The following GRIN1 variants were observed in gnomAD, a reference collection of about 807,000 sequenced individuals.
GRIN1 encodes glutamate receptor ionotropic, NMDA 1.
GRIN1 carries 38 observed loss-of-function variants against 103.0 expected under a neutral mutation model. That is an observed-to-expected ratio of 0.37 (90% CI 0.28 to 0.48). The LOEUF is 0.48. Ranked by LOEUF, GRIN1 falls within the 20% of genes least tolerant of loss-of-function variation. The probability of loss-of-function intolerance (pLI) is 0.98; values close to 1 mark genes in which losing one functional copy is unlikely to be tolerated. For synonymous variants in GRIN1, 544 were observed against 532.7 expected, an observed-to-expected ratio of 1.02 and a Z score of -0.29; for missense variants, 577 against 1,288.9, an observed-to-expected ratio of 0.45 and a Z score of 8.46.
Position 137,139,659 on chromosome 9 carries a change from T to C in GRIN1, c.173T>C (p.Ile58Thr). 1.2e-6 allele frequency: 2 copies of C among 1,613,884 alleles called. No homozygotes were observed. The highest frequency in any genetic ancestry group is 1.7e-6 in the Non-Finnish European group (2 of 1,179,916). ...QANKRHGSWK[I>T]QLNATSVTHK... ...AACAAGCGGCACGGCTCCTGGAAGA[T>C]TCAGCTCAATGCCACCTCCGTCACG... The change falls in exon 1 of 20, where the codon ATT becomes ACT. Residue 58 changes from isoleucine to threonine, a missense_variant. Ile to Thr is a moderately conservative substitution (Grantham distance 89, BLOSUM62 -1). Around this residue, in one of 9 missense-constraint regions of GRIN1, gnomAD observed 308 missense variants for 553.6 expected, o/e 0.56. Transcript: ENST00000371561. This position sits in a 1 kb window ranked among gnomAD's most constrained non-coding sequence, Gnocchi z 7.7.
intron 6 of GRIN1, among the ~76,000 whole-genome samples, chr9:137,157,737 G>A (rs903780789): frequency 6.6e-6 from 1 of 152,252 alleles, no homozygotes; most frequent in Admixed American, 6.5e-5. Flanking sequence ...CAACCACTGA[G>A]TAGCACGTGC....
chr9:137,164,286 C>T (rs1022041816), intron 18 of GRIN1: 1 of 343,554 alleles, frequency 2.9e-6, no homozygotes, highest in Non-Finnish European at 5.6e-6. Context: ...GACCCAAGCC[C>T]CTTGACACCC....
chr9:137,141,943 A>G (rs1832194506), intron 1 of GRIN1, 70 bp from the exon 2 acceptor site: 43 of 1,558,666 alleles, frequency 2.8e-5, no homozygotes, highest in Non-Finnish European at 3.1e-5. Flanking sequence ...TGCTGCTTCC[A>G]GATCTCAGCC....
chr9:137,156,786 A>G lies in GRIN1; in HGVS notation c.789A>G (p.Pro263=), dbSNP rs6293. Residue 263 remains proline (P), a synonymous_variant, in exon 5 of 20, where the codon CCA becomes CCG. Coordinates refer to ENST00000371561, the MANE Select transcript of GRIN1 (RefSeq NM_007327.4). ...CGGGGAACGCCCTGCGCTACGCCCCAGACGGTGAGTGCTGGGCCTTGGCGG... is the reference window on the plus strand; with the variant it reads ...CGGGGAACGCCCTGCGCTACGCCCCGGACGGTGAGTGCTGGGCCTTGGCGG... ...EISGNALRYA[P]DGILGLQLIN... is the part of the protein sequence containing the mutation. 470,913 of 1,592,168 alleles carry G rather than the reference A, an allele frequency of 0.3. 75,576 individuals are homozygous for G. Among genetic ancestry groups the G allele is most frequent in the Non-Finnish European group, 0.33 (383,384 of 1,169,736 alleles).
chr9:137,142,731 C>T (rs796830838), intron 2 of GRIN1, among the ~76,000 whole-genome samples: 34 of 152,276 alleles, frequency 2.2e-4, no homozygotes, highest in African/African-American at 6.7e-4. Flanking sequence ...GGGGTGTGCA[C>T]GCAGCCAGGG....
In GRIN1 at chr9:137,148,001, C is replaced by T. The variant is rs902704663; in HGVS notation, c.571-1008C>T. ...CCAGCTCCACCCCGGCCCCCAGCCC[C>T]GCCCCGGGCCTCGGTGTTTGCGAGC... On this transcript the variant is annotated intron_variant, in intron 3 of 19. Transcript: ENST00000371561. The T allele has an allele frequency of 2.0e-5, 12 of 599,746 alleles. No homozygotes were observed. The Middle Eastern group carries it at 1.5e-3, about 75-fold the overall frequency. 37.2% of individuals were successfully genotyped at this position (599,746 alleles called of 1,614,324 possible).
In GRIN1 at chr9:137,164,024, C is replaced by A. The variant is rs764246070; in HGVS notation, c.2589+120C>A. On this transcript the variant is annotated intron_variant, in intron 18 of 19. Coordinates refer to ENST00000371561, the MANE Select transcript of GRIN1 (RefSeq NM_007327.4). ...TGGTGGGCAGGACTGGAGCTAGGAG[C>A]CATGGCCAGGGGCAGTGGTGAGTGC... The A allele has an allele frequency of 7.3e-6, 9 of 1,238,122 alleles. No homozygotes were observed. The African/African-American group carries it at 7.4e-5, about 10-fold the overall frequency. 76.7% of individuals were successfully genotyped at this position (1,238,122 alleles called of 1,614,324 possible).
Position 137,167,809 on chromosome 9 carries a change from C to T in GRIN1, c.*282C>T. ...CCACTGATATCACGGGCCCGCTCAA[C>T]CTCTCAGATCCCTCGGTCAGCACCG... On this transcript the variant is annotated 3_prime_UTR_variant, in exon 20 of 20. Coordinates refer to ENST00000371561, the MANE Select transcript of GRIN1 (RefSeq NM_007327.4). The T allele has an allele frequency of 1.2e-6, 2 of 1,612,278 alleles. No individual in the cohort carries two copies. Among genetic ancestry groups the T allele is most frequent in the Non-Finnish European group, 1.7e-6 (2 of 1,179,646 alleles).
chr9:137,147,459 C>T (rs1368698958), intron 3 of GRIN1, among the ~76,000 whole-genome samples: 1 of 152,066 alleles, frequency 6.6e-6, no homozygotes, highest in African/African-American at 2.4e-5. Flanking sequence ...CACACGCACA[C>T]ACATGCACAC....
intron 4 of GRIN1, among the ~76,000 whole-genome samples, chr9:137,152,703 C>T (rs1458608009): frequency 6.6e-6 from 1 of 152,144 alleles, no homozygotes; most frequent in East Asian, 1.9e-4. Flanking sequence ...AAAAGGCCAG[C>T]CCAGGGGAAG....
chr9:137,143,234 C>A (rs756930566), intron 2 of GRIN1, among the ~76,000 whole-genome samples: 3 of 152,238 alleles, frequency 2.0e-5, no homozygotes, highest in Non-Finnish European at 2.9e-5. Flanking sequence ...CCTTAAAGCA[C>A]AGGGGTCGCC....
intron 8 of GRIN1, among the ~76,000 whole-genome samples, chr9:137,160,038 C>T (rs1458971048): frequency 6.6e-6 from 1 of 152,230 alleles, no homozygotes; most frequent in African/African-American, 2.4e-5. Flanking sequence ...CTATTCCAGC[C>T]CCCTGTGCCC....
Position 137,161,076 on chromosome 9 carries a change from G to A in GRIN1, c.1218G>A (p.Glu406=), listed in dbSNP as rs774283186. 6.2e-7 allele frequency: 1 copy of A among 1,612,976 alleles called. No homozygotes were observed. Among genetic ancestry groups the A allele is most frequent in the South Asian group, 1.1e-5 (1 of 91,086 alleles). Residue 406 remains glutamate, a synonymous_variant, in exon 9 of 20, where the codon GAG becomes GAA. Transcript: ENST00000371561. ...TRLKIVTIHQ[E]PFVYVKPTLS... ...CCCAGATTGTGACGATCCACCAGGA[G>A]CCCTTCGTGTACGTCAAGCCCACGC...
chr9:137,143,440 C>T (rs1385777254), intron 2 of GRIN1, among the ~76,000 whole-genome samples: 5 of 152,254 alleles, frequency 3.3e-5, no homozygotes, highest in Non-Finnish European at 7.3e-5. Context: ...CAGGCACGAC[C>T]TCCTTCGCCT....
At chr9:137,148,831 C>A (rs1588700397) in intron 3 of GRIN1, among the ~76,000 whole-genome samples, 178 bp from the exon 4 acceptor site, 1 of 152,126 alleles carries the variant, frequency 6.6e-6, no homozygotes, top group African/African-American at 2.4e-5. Flanking sequence ...ACCGGAGAGG[C>A]GAGGCCAGGC....
chr9:137,145,483 G>A lies in GRIN1; in HGVS notation c.394-243G>A, dbSNP rs188734753. On this transcript the variant is annotated intron_variant, in intron 2 of 19. Coordinates refer to ENST00000371561, the MANE Select transcript of GRIN1 (RefSeq NM_007327.4). ...GAGTCTAGAAAGTGTCCCCAGCGGGGTGGGGACAGGGGTGGGAGACACGAG... is the reference window on the plus strand; with the variant it reads ...GAGTCTAGAAAGTGTCCCCAGCGGGATGGGGACAGGGGTGGGAGACACGAG... Among the ~76,000 whole-genome samples, 166 of 133,558 alleles carry A rather than the reference G, an allele frequency of 1.2e-3. 1 individual carries two copies. Among genetic ancestry groups the A allele is most frequent in the African/African-American group, 4.9e-3 (159 of 32,382 alleles). 87.6% of individuals were successfully genotyped at this position (133,558 alleles called of 152,430 possible).
At position 137,161,435 on chromosome 9, in the gene GRIN1, G is replaced by T; in HGVS notation, c.1467+19G>T. The T allele has an allele frequency of 6.2e-7, 1 of 1,606,466 alleles. No homozygotes were observed. Among genetic ancestry groups the T allele is most frequent in the Non-Finnish European group, 8.5e-7 (1 of 1,176,982 alleles). Reference sequence around the variant, plus strand: ...GGAGCGGGTAGGCTGGACGGCGGGGGTGGGGACCAGCGTGAGAGGGGCCTG... The same window carrying T: ...GGAGCGGGTAGGCTGGACGGCGGGGTTGGGGACCAGCGTGAGAGGGGCCTG... On this transcript the variant is annotated intron_variant, in intron 10 of 19. Coordinates refer to ENST00000371561, the MANE Select transcript of GRIN1 (RefSeq NM_007327.4).
chr9:137,155,464 G>C (rs947142089), intron 4 of GRIN1, among the ~76,000 whole-genome samples: 2 of 152,238 alleles, frequency 1.3e-5, no homozygotes, highest in African/African-American at 4.8e-5. Context: ...TTCTTTGTGG[G>C]CTTATTCTCG....
Position 137,167,746 on chromosome 9 carries a change from G to A in GRIN1, c.*219G>A, listed in dbSNP as rs1272839223. ...TGCCCCCAGCGTGGGGCTAACGGGC[G>A]CCTTGTCTGTGTATTTCTATTTTGC... On this transcript the variant is annotated 3_prime_UTR_variant, in exon 20 of 20. Transcript: ENST00000371561. 3 of 1,611,176 alleles carry A rather than the reference G, an allele frequency of 1.9e-6. No homozygotes were observed. Among genetic ancestry groups the A allele is most frequent in the Admixed American group, 1.7e-5 (1 of 59,954 alleles).
Sources: allele counts gnomAD v4.1 joint callset (sites outside exome capture counted in the v4.1 genomes callset), GRCh38; gene constraint gnomAD v4.1.1; regional missense constraint gnomAD v4.1.1; non-coding constraint Gnocchi (gnomAD v3.1); transcripts MANE v1.5; gene names NCBI Gene and HGNC (gene_info 2026-07-23, HGNC 2026-07-21).